The following POLR1A variants were observed in gnomAD, a reference collection of about 807,000 sequenced individuals.
POLR1A encodes the protein RNA polymerase I subunit A.
Under a neutral mutation model 205.3 loss-of-function variants are expected in POLR1A, and 84 were observed. The observed-to-expected ratio is 0.41, with a 90% CI of 0.34 to 0.49. POLR1A has a LOEUF of 0.49. POLR1A is among the 20% of genes least tolerant of loss of function. POLR1A has a pLI of 0.22. For synonymous variants in POLR1A, 799 were observed against 863.7 expected, an observed-to-expected ratio of 0.93 and a Z score of 1.31; for missense variants, 1,645 against 2,204.5, an observed-to-expected ratio of 0.75 and a Z score of 5.08.
In POLR1A at chr2:86,045,261, C is replaced by T. The variant is rs758023501; in HGVS notation, c.2969+17G>A. The T allele has an allele frequency of 7.7e-6, 12 of 1,557,112 alleles. No individual in the cohort carries two copies. The highest frequency in any genetic ancestry group is 2.7e-5 in the African/African-American group (2 of 73,738). On this transcript the variant is annotated intron_variant, in intron 21 of 33. Coordinates refer to ENST00000263857, the MANE Select transcript of POLR1A (RefSeq NM_015425.6). Reference sequence around the variant, plus strand: ...CCCTGGCACTCTACCTCAAGGGGCACGGCAGATACATTTTACCTTTGGAGA... The same window carrying T: ...CCCTGGCACTCTACCTCAAGGGGCATGGCAGATACATTTTACCTTTGGAGA...
chr2:86,059,453 T>C (rs1002157298), intron 14 of POLR1A, among the ~76,000 whole-genome samples: 3 of 152,196 alleles, frequency 2.0e-5, no homozygotes, highest in Non-Finnish European at 4.4e-5. Flanking sequence ...CAGGATGTCA[T>C]GGTCAAACAG....
chr2:86,040,315 ACC>A (rs1344128317), intron 25 of POLR1A, 75 bp downstream of exon 25: 1 of 1,155,288 alleles, frequency 8.7e-7, no homozygotes, highest in East Asian at 2.7e-5. Context: ...ACACTCACTC[ACC>A]CCCTCTCATT....
At chr2:86,045,210 A>G in intron 21 of POLR1A, 68 bp downstream of exon 21, 1 of 1,005,078 alleles carries the variant, frequency 9.9e-7, no homozygotes. Flanking sequence ...CTGCTGATAT[A>G]ATGTGAAAGA....
chr2:86,048,342 A>G (rs1672742426), intron 18 of POLR1A, among the ~76,000 whole-genome samples: 1 of 152,222 alleles, frequency 6.6e-6, no homozygotes, highest in African/African-American at 2.4e-5. Flanking sequence ...ACTGCCCAGG[A>G]ACTGGCTTGG....
chr2:86,094,798 C>T (rs571918870), intron 3 of POLR1A, among the ~76,000 whole-genome samples: 1 of 152,328 alleles, frequency 6.6e-6, no homozygotes, highest in East Asian at 1.9e-4. Context: ...ACATCTCTCT[C>T]TCTCCCCGTA....
rs148538685 is a variant in POLR1A, at chr2:86,105,079, ATGTT to A, written c.77+617_77+620del. On this transcript the variant is annotated intron_variant, in intron 1 of 33. Coordinates refer to ENST00000263857, the MANE Select transcript of POLR1A (RefSeq NM_015425.6). ...CTGGAAAAAACTGGATGCTCAATAA[ATGTT>A]TGTGAGGTTATAGATCGATAGAGGA... Among the ~76,000 whole-genome samples, 980 of 152,310 alleles carry A rather than the reference ATGTT, an allele frequency of 6.4e-3. 22 individuals carry two copies. In the East Asian group the frequency reaches 0.098, roughly 15 times the overall value.
intron 2 of POLR1A, 65 bp from the exon 3 acceptor site, chr2:86,098,825 G>A (rs1046232260): frequency 2.2e-5 from 33 of 1,507,048 alleles, no homozygotes; most frequent in Middle Eastern, 1.8e-4. Flanking sequence ...GGTGATTTTC[G>A]GTATACTCAC....
chr2:86,065,666 C>T (rs1673073335), intron 13 of POLR1A: 3 of 571,426 alleles, frequency 5.3e-6, no homozygotes, highest in Middle Eastern at 4.0e-4. Flanking sequence ...GCACTGGCTT[C>T]TACGTTTGCC....
chr2:86,070,385 T>C lies in POLR1A; in HGVS notation c.1612-113A>G. 1 of 1,155,106 alleles carries C rather than the reference T, an allele frequency of 8.7e-7. No individual in the cohort carries two copies. The highest frequency in any genetic ancestry group is 1.6e-5 in the South Asian group (1 of 64,030). 71.6% of individuals were successfully genotyped at this position (1,155,106 alleles called of 1,614,324 possible). A position where few individuals can be genotyped will look rare whatever the true frequency, so the allele number is the denominator to read the frequency against. ...GTGTGGCTTTTGTCTCACGTTCTAG[T>C]TAACTAAATGCAAGGGGAATTTTTC... is the stretch of plus-strand genomic sequence containing the variant. On this transcript the variant is annotated intron_variant, in intron 12 of 33. Coordinates refer to ENST00000263857, the MANE Select transcript of POLR1A (RefSeq NM_015425.6). This position sits in a 1 kb window ranked among gnomAD's most constrained non-coding sequence, Gnocchi z 4.4.
intron 1 of POLR1A, among the ~76,000 whole-genome samples, chr2:86,103,775 G>A (rs986024010): frequency 2.0e-5 from 3 of 152,148 alleles, no homozygotes; most frequent in African/African-American, 7.2e-5. Flanking sequence ...AGCACAAAAA[G>A]TCACTAAAGC....
rs541979836 is a variant in POLR1A at position 86,078,324 on chromosome 2, A to G, written c.1087-40T>C. 14 of 1,500,182 alleles carry G rather than the reference A, an allele frequency of 9.3e-6. No individual in the cohort carries two copies. The South Asian group carries it at 1.7e-4, about 18-fold the overall frequency. The allele number at this position is 1,500,182 out of a possible 1,614,324, so 92.9% of individuals were successfully genotyped here. On this transcript the variant is annotated intron_variant, in intron 9 of 33. Transcript: ENST00000263857. ...CAAGAAAACAGGGATGATGGAAAAA[A>G]GCTCCAAAAGGCCTGGCTTGATTTA...
chr2:86,054,743 C>T (rs1204706638), intron 14 of POLR1A, among the ~76,000 whole-genome samples: 2 of 152,228 alleles, frequency 1.3e-5, no homozygotes, highest in African/African-American at 4.8e-5. Context: ...GAGGGGTCAT[C>T]CACCCAACAA....
chr2:86,031,581 C>T lies in POLR1A; in HGVS notation c.4327G>A (p.Glu1443Lys). 6.2e-7 allele frequency: 1 copy of T among 1,613,926 alleles called. No homozygotes were observed. Among genetic ancestry groups the T allele is most frequent in the Non-Finnish European group, 8.5e-7 (1 of 1,179,794 alleles). ...GGATTTCGTTCCTCCTGCATGTCTT[C>T]ATCGTCGTTCTCCTCGCCCTCCCTC... The part of the protein sequence containing the change: ...EEREGEENDD[E>K]DMQEERNPHR... Residue 1443 changes from glutamate to lysine, a missense_variant, in exon 30 of 34, where the codon GAA (glutamate) becomes AAA (lysine). Physicochemically the swap from Glu to Lys is moderately conservative, Grantham distance 56. Coordinates refer to ENST00000263857, the MANE Select transcript of POLR1A (RefSeq NM_015425.6).
intron 13 of POLR1A, among the ~76,000 whole-genome samples, chr2:86,066,468 G>A (rs867058706): frequency 1.3e-5 from 2 of 152,152 alleles, no homozygotes; most frequent in Non-Finnish European, 2.9e-5. Context: ...GCAACATAAC[G>A]CACGCTGAAG....
At position 86,065,414 on chromosome 2, in the gene POLR1A, T is replaced by A; in HGVS notation, c.1918A>T (p.Ser640Cys). 6.2e-7 allele frequency: 1 copy of A among 1,614,186 alleles called. No individual in the cohort carries two copies. Among genetic ancestry groups the A allele is most frequent in the Non-Finnish European group, 8.5e-7 (1 of 1,180,026 alleles). Residue 640 changes from serine (S) to cysteine (C), a missense_variant, in exon 14 of 34, where the codon AGC (serine) becomes TGC (cysteine). By Grantham distance (112) the Ser-to-Cys change is moderately radical. Around this residue, in one of 16 missense-constraint regions of POLR1A, gnomAD observed 339 missense variants for 415.1 expected, o/e 0.82. Transcript: ENST00000263857. Reference protein sequence around the residue: ...LIQDHMVSGASMTTRGCFFTR... With the variant: ...LIQDHMVSGACMTTRGCFFTR... ...AAAAAGCAACCCCGAGTAGTCATGC[T>A]TGCCCCTGAAACCATGTGATCCTGG...
intron 1 of POLR1A, among the ~76,000 whole-genome samples, chr2:86,102,676 C>T (rs977935228): frequency 6.6e-6 from 1 of 152,192 alleles, no homozygotes; most frequent in Non-Finnish European, 1.5e-5. Context: ...AGATAACATA[C>T]AGAAAATACA....
chr2:86,097,242 A>AAAT (rs70953984), intron 3 of POLR1A, among the ~76,000 whole-genome samples: 5 of 137,464 alleles, frequency 3.6e-5, no homozygotes, highest in Non-Finnish European at 7.6e-5. Context: ...AAAAAAAAAA[A>AAAT]GCAAATGCTG....
rs1044867012 is a variant in POLR1A at position 86,070,150 on chromosome 2, G to A, written c.1734C>T (p.His578=). The change falls in exon 13 of 34, where the codon CAC becomes CAT. Residue 578 remains histidine (H), a synonymous_variant. Transcript: ENST00000263857. This position sits in a 1 kb window ranked among gnomAD's most constrained non-coding sequence, Gnocchi z 4.4. ...CATTATAGGCCTTGCAGTTGGCATAGTGGAGCCGCAGCACTTTCTCTTCAG... is the reference window on the plus strand; with the variant it reads ...CATTATAGGCCTTGCAGTTGGCATAATGGAGCCGCAGCACTTTCTCTTCAG... ...ILPEEKVLRL[H]YANCKAYNAD... is the part of the protein sequence containing the mutation. 4 of 1,614,254 alleles carry A rather than the reference G, an allele frequency of 2.5e-6. No individual in the cohort carries two copies. Among genetic ancestry groups the A allele is most frequent in the African/African-American group, 2.7e-5 (2 of 75,070 alleles).
At chr2:86,047,609 T>C (rs1672732527) in intron 18 of POLR1A, among the ~76,000 whole-genome samples, 1 of 152,150 alleles carries the variant, frequency 6.6e-6, no homozygotes, top group South Asian at 2.1e-4. Context: ...TGGAGAAGAA[T>C]AAAATTTAAG....
Sources: allele counts gnomAD v4.1 joint callset (sites outside exome capture counted in the v4.1 genomes callset), GRCh38; gene constraint gnomAD v4.1.1; regional missense constraint gnomAD v4.1.1; non-coding constraint Gnocchi (gnomAD v3.1); transcripts MANE v1.5; gene names NCBI Gene and HGNC (gene_info 2026-07-23, HGNC 2026-07-21).